SMCO2: variants seen among roughly 807,000 people sequenced by gnomAD.
SMCO2 encodes the protein single-pass membrane protein with coiled-coil domains 2.
A neutral mutation model predicts 29.5 loss-of-function variants in SMCO2; 25 were observed. That is an observed-to-expected ratio of 0.85 (90% CI 0.62 to 1.18). The LOEUF (loss-of-function observed/expected upper bound fraction) is 1.18. SMCO2 is among the 50% of genes most tolerant of loss of function. The pLI is 0.00. For missense variants in SMCO2, 348 were observed against 344.5 expected, an observed-to-expected ratio of 1.01 and a Z score of -0.08; for synonymous variants, 117 against 123.3, an observed-to-expected ratio of 0.95 and a Z score of 0.34.
intron 1 of SMCO2, among the ~76,000 whole-genome samples, chr12:27,470,382 G>A (rs370124): frequency 0.13 from 19,886 of 152,100 alleles, 1,566 homozygotes; most frequent in African/African-American, 0.22. Context: ...AGCATTCAAA[G>A]CGCACATTTA....
chr12:27,450,974 C>T, the SMCO2 span, among the ~76,000 whole-genome samples: 4 of 152,200 alleles, frequency 2.6e-5, no homozygotes, highest in African/African-American at 4.8e-5. Flanking sequence ...TTAGGAGACA[C>T]TGATTTATTC....
At chr12:27,435,297 CCCCCCG>C in the SMCO2 span, among the ~76,000 whole-genome samples, 341 of 20,202 alleles carry the variant, frequency 0.017, 108 homozygotes, top group Non-Finnish European at 0.074. Context: ...CCCCCCCCCC[CCCCCCG>C]GCAATTGTGA....
At chr12:27,465,608 T>C (rs1168291779), upstream of SMCO2, among the ~76,000 whole-genome samples, 1 of 152,238 alleles carries the variant, frequency 6.6e-6, no homozygotes, top group Non-Finnish European at 1.5e-5. Flanking sequence ...AAATCATGCC[T>C]ACCATGTATG....
Position 27,472,737 on chromosome 12 carries a change from G to T in SMCO2, c.135-39G>T, listed in dbSNP as rs749381984. On this transcript the variant is annotated intron_variant, in intron 2 of 7. Coordinates refer to ENST00000298876, the Ensembl canonical transcript of SMCO2. ...TGCAGGCCCAAGCTCTGGCCCAAAGGCATAATAACAGCCTCTGTTTGGATT... is the reference window on the plus strand; with the variant it reads ...TGCAGGCCCAAGCTCTGGCCCAAAGTCATAATAACAGCCTCTGTTTGGATT... 4.1e-4 allele frequency: 608 copies of T among 1,497,488 alleles called. 3 individuals carry two copies. The highest frequency in any genetic ancestry group is 3.2e-3 in the Middle Eastern group (19 of 5,902). 92.8% of individuals were successfully genotyped at this position (1,497,488 alleles called of 1,614,324 possible). A position where few individuals can be genotyped will look rare whatever the true frequency, so the allele number is the denominator to read the frequency against.
At chr12:27,492,658 C>T (rs370439163) in intron 5 of SMCO2, among the ~76,000 whole-genome samples, 87 of 152,278 alleles carry the variant, frequency 5.7e-4, no homozygotes, top group African/African-American at 1.8e-3. Flanking sequence ...GTCAGAATGA[C>T]TATTATTAAA....
intron 7 of SMCO2, among the ~76,000 whole-genome samples, chr12:27,499,472 C>CT (rs992425818): frequency 1.3e-5 from 2 of 150,346 alleles, no homozygotes; most frequent in African/African-American, 5.0e-5. Context: ...AATGGGGTTT[C>CT]TTTTTGGGGT....
exon 8 of SMCO2, chr12:27,501,956 T>A (rs1943084223): frequency 2.6e-6 from 4 of 1,544,842 alleles, no homozygotes; most frequent in Non-Finnish European, 3.5e-6. Flanking sequence ...TCATGTTTGA[T>A]GTCCTCACCG....
chr12:27,427,507 T>C, the SMCO2 span, among the ~76,000 whole-genome samples: 1 of 152,160 alleles, frequency 6.6e-6, no homozygotes, highest in Admixed American at 6.5e-5. Flanking sequence ...GAGGCCTACC[T>C]ACTTATTTTG....
At chr12:27,485,174 C>G (rs1949678543) in intron 4 of SMCO2, among the ~76,000 whole-genome samples, 1 of 151,164 alleles carries the variant, frequency 6.6e-6, no homozygotes, top group African/African-American at 2.4e-5. Context: ...TTCAGACTTT[C>G]TATCACTATA....
At chr12:27,495,785 A>G (rs1047444114) in exon 7 of SMCO2, 3 of 1,539,602 alleles carry the variant, frequency 1.9e-6, no homozygotes, top group Non-Finnish European at 2.6e-6. Context: ...TACGGAAGAG[A>G]TGGAGGCCCT....
upstream of SMCO2, among the ~76,000 whole-genome samples, chr12:27,463,017 T>C (rs897726728): frequency 4.6e-5 from 7 of 152,294 alleles, no homozygotes; most frequent in African/African-American, 1.7e-4. Context: ...ACACCATCCC[T>C]CCTGCTGGAG....
chr12:27,484,102 T>A (rs1949667393), intron 4 of SMCO2, among the ~76,000 whole-genome samples: 1 of 152,194 alleles, frequency 6.6e-6, no homozygotes, highest in African/African-American at 2.4e-5. Flanking sequence ...TAAAAACTAT[T>A]TTCTGTGGCC....
intron 4 of SMCO2, among the ~76,000 whole-genome samples, chr12:27,477,631 A>ATCCTTTTT (rs1484377460): frequency 3.2e-4 from 26 of 81,076 alleles, no homozygotes; most frequent in African/African-American, 1.7e-3. Context: ...ATTCTTTTTC[A>ATCCTTTTT]TTCTTTTTTT....
At chr12:27,439,526 G>A in the SMCO2 span, among the ~76,000 whole-genome samples, 3 of 152,052 alleles carry the variant, frequency 2.0e-5, no homozygotes, top group South Asian at 2.1e-4. Context: ...CTAACAAGAC[G>A]GCAATTTGTG....
the SMCO2 span, among the ~76,000 whole-genome samples, chr12:27,435,723 C>T: frequency 6.6e-6 from 1 of 152,152 alleles, no homozygotes; most frequent in Non-Finnish European, 1.5e-5. Context: ...ATTCCCACCT[C>T]TGGGTCAGTT....
the SMCO2 span, among the ~76,000 whole-genome samples, chr12:27,448,212 A>G: frequency 6.6e-6 from 1 of 152,160 alleles, no homozygotes; most frequent in Admixed American, 6.6e-5. Flanking sequence ...TCCTCCCAGA[A>G]GTTGTTACTC....
upstream of SMCO2, among the ~76,000 whole-genome samples, chr12:27,465,758 CAA>C (rs1949494112): frequency 6.6e-6 from 1 of 152,146 alleles, no homozygotes; most frequent in Non-Finnish European, 1.5e-5. Context: ...ATTTTTCAGA[CAA>C]AGAGATTAAA....
At chr12:27,451,203 T>C in the SMCO2 span, among the ~76,000 whole-genome samples, 1 of 152,230 alleles carries the variant, frequency 6.6e-6, no homozygotes, top group Admixed American at 6.5e-5. Context: ...CTGTGAACAC[T>C]GAATTAGCAA....
At chr12:27,459,362 AAC>A in the SMCO2 span, among the ~76,000 whole-genome samples, 2 of 152,154 alleles carry the variant, frequency 1.3e-5, no homozygotes, top group Admixed American at 1.3e-4. Flanking sequence ...TATGCAAACT[AAC>A]ACAGAAACAG....
Sources: gnomAD v4.1 joint callset for allele counts (sites outside exome capture counted in the v4.1 genomes callset) on GRCh38, gnomAD v4.1.1 for gene constraint, MANE v1.5 for transcripts, NCBI Gene and HGNC (gene_info 2026-07-23, HGNC 2026-07-21) for gene names.